Variants in ATF2 observed in about 807,000 individuals in gnomAD.
ATF2 encodes cyclic AMP-dependent transcription factor ATF-2.
In ATF2, 24 loss-of-function variants were observed where a neutral mutation model predicts 60.6. The observed-to-expected ratio is 0.40, with a 90% CI of 0.29 to 0.56. The LOEUF is 0.56. Ranked by LOEUF, ATF2 falls within the 20% of genes least tolerant of loss-of-function variation. The pLI is 0.54. For missense variants in ATF2, 433 were observed against 607.7 expected, an observed-to-expected ratio of 0.71 and a Z score of 3.02; for synonymous variants, 206 against 215.4, an observed-to-expected ratio of 0.96 and a Z score of 0.38.
chr2:175,100,090 A>T (rs577068807), intron 10 of ATF2, among the ~76,000 whole-genome samples: 2 of 152,354 alleles, frequency 1.3e-5, no homozygotes, highest in South Asian at 4.1e-4. Context: ...CATGCAATGT[A>T]CTATGGTCTT....
In ATF2 at chr2:175,146,907, T is replaced by C. The variant is rs1175627963; in HGVS notation, c.-44+4153A>G. ...TAACGGGGGAGTACTGTATAACCAT[T>C]ATATAATTAGCATCGATGTAGTTTG... On this transcript the variant is annotated intron_variant, in intron 2 of 13. Coordinates refer to ENST00000264110, the MANE Select transcript of ATF2 (RefSeq NM_001880.4). 1.3e-5 allele frequency among the ~76,000 whole-genome samples: 2 copies of C among 152,130 alleles called. 1 individual carries two copies. The highest frequency in any genetic ancestry group is 3.8e-4 in the East Asian group (2 of 5,198).
chr2:175,088,984 C>T (rs1694360198), intron 12 of ATF2, among the ~76,000 whole-genome samples: 2 of 152,032 alleles, frequency 1.3e-5, no homozygotes, highest in Admixed American at 1.3e-4. Context: ...GAGTTCGAGA[C>T]CAGCCTGACC....
rs1693136307 is a variant in ATF2 at position 175,074,394 on chromosome 2, T to C, written c.*215A>G. 11 of 387,072 alleles carry C rather than the reference T, an allele frequency of 2.8e-5. No homozygotes were observed. The highest frequency in any genetic ancestry group is 2.4e-4 in the South Asian group (4 of 16,368). 24.0% of individuals were successfully genotyped at this position (387,072 alleles called of 1,614,324 possible). On this transcript the variant is annotated 3_prime_UTR_variant, in exon 14 of 14. Transcript: ENST00000264110. ...AAAAATTAATAAATCTAATAATATTTATAAAAAAAGCAAAATCAGTCTTTT... is the reference window on the plus strand; with the variant it reads ...AAAAATTAATAAATCTAATAATATTCATAAAAAAAGCAAAATCAGTCTTTT...
chr2:175,073,771 CAACA>C lies in ATF2; in HGVS notation c.*834_*837del. On this transcript the variant is annotated 3_prime_UTR_variant, in exon 14 of 14. Coordinates refer to ENST00000264110, the MANE Select transcript of ATF2 (RefSeq NM_001880.4). ...TGTAACCTGAAATCTGTAAAAACAA[CAACA>C]AAAAAACCAAAAACAAGAGCTAATT... 1 of 151,760 alleles carries C rather than the reference CAACA, an allele frequency of 6.6e-6. No individual in the cohort carries two copies. The highest frequency in any genetic ancestry group is 2.1e-4 in the South Asian group (1 of 4,812). 9.4% of individuals were successfully genotyped at this position (151,760 alleles called of 1,614,324 possible). A position where few individuals can be genotyped will look rare whatever the true frequency, so the allele number is the denominator to read the frequency against.
At chr2:175,156,443 C>G (rs1186497446) in intron 1 of ATF2, among the ~76,000 whole-genome samples, 1 of 148,000 alleles carries the variant, frequency 6.8e-6, no homozygotes, top group Non-Finnish European at 1.5e-5. Flanking sequence ...CCTGGGTTAT[C>G]CAGGAATCTA....
chr2:175,158,192 G>A (rs1175444704), intron 1 of ATF2, among the ~76,000 whole-genome samples: 3 of 151,692 alleles, frequency 2.0e-5, no homozygotes, highest in Non-Finnish European at 4.4e-5. Flanking sequence ...GACCTAGTAG[G>A]ACTTCACTTG....
rs182432090 is a variant in ATF2, at chr2:175,086,849, T to C, written c.1186-6084A>G. ...TCAGATAAGATGGCTGCATAAGTCC[T>C]GATTTTAATTCTGAAATCTTTCTAT... On this transcript the variant is annotated intron_variant, in intron 12 of 13. Transcript: ENST00000264110. 1.4e-3 allele frequency among the ~76,000 whole-genome samples: 215 copies of C among 152,328 alleles called. 2 individuals are homozygous for C. The highest frequency in any genetic ancestry group is 1.2e-3 in the Admixed American group (18 of 15,284).
intron 3 of ATF2, 99 bp from the exon 4 acceptor site, chr2:175,130,306 C>A (rs1167446935): frequency 2.8e-6 from 2 of 707,316 alleles, no homozygotes; most frequent in Non-Finnish European, 4.2e-6. Flanking sequence ...ATTAACTTTT[C>A]TATTTTAATA....
intron 4 of ATF2, among the ~76,000 whole-genome samples, chr2:175,129,179 A>G (rs962660338): frequency 6.6e-6 from 1 of 152,198 alleles, no homozygotes; most frequent in African/African-American, 2.4e-5. Flanking sequence ...GTAACATAAC[A>G]TGGAGAAATA....
At chr2:175,132,650 C>G (rs1697818197) in intron 3 of ATF2, 2 of 152,116 alleles carry the variant, frequency 1.3e-5, no homozygotes, top group African/African-American at 4.8e-5. Flanking sequence ...GAAAAATCTG[C>G]ATAAGATAGG....
At chr2:175,132,944 G>C (rs928047183) in intron 3 of ATF2, among the ~76,000 whole-genome samples, 4 of 151,862 alleles carry the variant, frequency 2.6e-5, no homozygotes, top group Non-Finnish European at 5.9e-5. Flanking sequence ...AAATAAGCTG[G>C]GCATGGTGGC....
intron 3 of ATF2, among the ~76,000 whole-genome samples, chr2:175,135,353 C>T (rs143968482): frequency 7.6e-4 from 115 of 152,224 alleles, no homozygotes; most frequent in Non-Finnish European, 1.2e-3. Flanking sequence ...CTAATCAAGC[C>T]TCCCTAGCTC....
chr2:175,110,778 G>T (rs1696125217), intron 10 of ATF2, among the ~76,000 whole-genome samples: 1 of 152,020 alleles, frequency 6.6e-6, no homozygotes, highest in African/African-American at 2.4e-5. Context: ...GCTAATTTTT[G>T]TATTTTTAGT....
At chr2:175,138,894 C>T (rs1443817174) in intron 2 of ATF2, among the ~76,000 whole-genome samples, 2 of 152,156 alleles carry the variant, frequency 1.3e-5, no homozygotes, top group Non-Finnish European at 2.9e-5. Context: ...CATAACACAG[C>T]CAAAGGAATA....
intron 2 of ATF2, among the ~76,000 whole-genome samples, chr2:175,137,392 A>G (rs1279982423): frequency 6.6e-6 from 1 of 152,164 alleles, no homozygotes; most frequent in Non-Finnish European, 1.5e-5. Context: ...GAAATCTGTA[A>G]TAGCCATGCT....
chr2:175,108,146 C>T (rs1456322352), intron 10 of ATF2, among the ~76,000 whole-genome samples: 3 of 152,012 alleles, frequency 2.0e-5, no homozygotes, highest in Non-Finnish European at 4.4e-5. Flanking sequence ...AGCCGCCCAT[C>T]GTCTCAGATG....
At chr2:175,080,535 G>A in intron 13 of ATF2, 125 bp downstream of exon 13, 1 of 710,136 alleles carries the variant, frequency 1.4e-6, no homozygotes. Flanking sequence ...TAACCTTACA[G>A]AAATTCTGAT....
chr2:175,095,322 C>A (rs1409303362), intron 11 of ATF2, among the ~76,000 whole-genome samples: 1 of 152,128 alleles, frequency 6.6e-6, no homozygotes, highest in Non-Finnish European at 1.5e-5. Flanking sequence ...GAACTCCTGA[C>A]CTCAGGTGAT....
chr2:175,086,951 TA>T (rs1260166268), intron 12 of ATF2, among the ~76,000 whole-genome samples: 2 of 152,026 alleles, frequency 1.3e-5, no homozygotes, highest in Non-Finnish European at 2.9e-5. Flanking sequence ...CTTAAGTTTC[TA>T]TACACAGAGA....
Sources: gnomAD v4.1 joint callset for allele counts (sites outside exome capture counted in the v4.1 genomes callset) on GRCh38, gnomAD v4.1.1 for gene constraint, MANE v1.5 for transcripts, NCBI Gene and HGNC (gene_info 2026-07-23, HGNC 2026-07-21) for gene names.